Variants in MPP4 observed in about 807,000 individuals in gnomAD.
MPP4 encodes MAGUK p55 subfamily member 4.
MPP4 carries 91 observed loss-of-function variants against 98.3 expected under a neutral mutation model. The observed-to-expected ratio is 0.93, with a 90% CI of 0.78 to 1.10. The LOEUF is 1.10. MPP4 is among the 50% of genes least tolerant of loss of function. The pLI, the probability that MPP4 is intolerant of heterozygous loss-of-function variation, is 0.00. For synonymous variants in MPP4, 261 were observed against 271.8 expected, an observed-to-expected ratio of 0.96 and a Z score of 0.39; for missense variants, 744 against 792.9, an observed-to-expected ratio of 0.94 and a Z score of 0.74.
At chr2:201,684,379 C>T (rs1221498057) in intron 7 of MPP4, among the ~76,000 whole-genome samples, 14 of 152,162 alleles carry the variant, frequency 9.2e-5, no homozygotes, top group Admixed American at 8.5e-4. Context: ...GAATATAGAG[C>T]TAAGCAGCTT....
At chr2:201,673,934 A>C (rs767504763) in intron 11 of MPP4, among the ~76,000 whole-genome samples, 13 of 152,224 alleles carry the variant, frequency 8.5e-5, no homozygotes, top group Non-Finnish European at 1.8e-4. Flanking sequence ...GGCCCACCTG[A>C]GGGCCATTTC....
At chr2:201,668,843 G>A (rs1351271243) in intron 12 of MPP4, among the ~76,000 whole-genome samples, 1 of 152,062 alleles carries the variant, frequency 6.6e-6, no homozygotes, top group Non-Finnish European at 1.5e-5. Flanking sequence ...ACCCTGAGTA[G>A]ACAAACCAGA....
intron 14 of MPP4, chr2:201,662,195 G>A: frequency 1.1e-5 from 2 of 181,908 alleles, no homozygotes; most frequent in Non-Finnish European, 2.3e-5. Context: ...TGCTCCAGCT[G>A]TAACATTAAA....
intron 18 of MPP4, chr2:201,651,111 C>T (rs966316580): frequency 8.5e-5 from 84 of 985,174 alleles, no homozygotes; most frequent in Non-Finnish European, 9.8e-5. Context: ...CATTAGTTCC[C>T]CTTATTCATA....
At chr2:201,653,881 C>G (rs1265196697) in intron 18 of MPP4, among the ~76,000 whole-genome samples, 2 of 151,910 alleles carry the variant, frequency 1.3e-5, no homozygotes, top group African/African-American at 4.8e-5. Flanking sequence ...AGAGAAAAGT[C>G]TGGAAGATTA....
At chr2:201,683,199 A>C (rs1688712795) in intron 7 of MPP4, among the ~76,000 whole-genome samples, 2 of 152,242 alleles carry the variant, frequency 1.3e-5, no homozygotes, top group Admixed American at 6.5e-5. Flanking sequence ...GAACGCTGGT[A>C]AGAAAATAGC....
rs371720645 is a variant in MPP4, at chr2:201,656,291, C to T, written c.1207G>A (p.Gly403Ser). 89 of 1,581,448 alleles carry T rather than the reference C, an allele frequency of 5.6e-5. No homozygotes were observed. The highest frequency in any genetic ancestry group is 9.2e-5 in the East Asian group (4 of 43,330). The change falls in exon 17 of 22, where the codon GGC becomes AGC. Residue 403 changes from glycine to serine, a missense_variant. Coordinates refer to ENST00000409474, the MANE Select transcript of MPP4 (RefSeq NM_033066.3). ...GCACCCACTGCACTGTAGCAGCTGC[C>T]GGTGCAGCACACACTGGCATGCAGC... ...SPLHASVCCT[G>S]SCYSAVGAPY...
intron 14 of MPP4, among the ~76,000 whole-genome samples, chr2:201,660,725 G>A (rs954790768): frequency 1.3e-5 from 2 of 152,126 alleles, no homozygotes; most frequent in Non-Finnish European, 2.9e-5. Flanking sequence ...CAGCAGCTCT[G>A]TGAAGGGGAG....
chr2:201,657,784 C>T (rs1687898961), intron 16 of MPP4, among the ~76,000 whole-genome samples: 1 of 151,758 alleles, frequency 6.6e-6, no homozygotes, highest in Admixed American at 6.6e-5. Context: ...TGATTTTACT[C>T]TGCCTCTGAC....
At chr2:201,695,507 G>T (rs956299219) in intron 1 of MPP4, among the ~76,000 whole-genome samples, 2 of 152,168 alleles carry the variant, frequency 1.3e-5, no homozygotes, top group African/African-American at 4.8e-5. Flanking sequence ...ATACAATGGG[G>T]AGTAGGGTAT....
chr2:201,673,880 T>C lies in MPP4; in HGVS notation c.994+1327A>G, dbSNP rs1914262. Among the ~76,000 whole-genome samples, 475 of 152,326 alleles carry C rather than the reference T, an allele frequency of 3.1e-3. 2 individuals carry two copies. Among genetic ancestry groups the C allele is most frequent in the African/African-American group, 0.011 (448 of 41,558 alleles). On this transcript the variant is annotated intron_variant, in intron 11 of 21. Transcript: ENST00000409474. ...TCCAGTCTCCTCTCTTTGCCTCCCC[T>C]CCGTCCTTCTGGTGCCCAGTTCCCT...
intron 6 of MPP4, 98 bp downstream of exon 6, chr2:201,685,821 G>A (rs994241612): frequency 1.7e-5 from 24 of 1,430,450 alleles, no homozygotes; most frequent in East Asian, 7.4e-5. Context: ...ATATGTGATC[G>A]CAGGCAAGGC....
chr2:201,689,150 A>T (rs895030413), intron 4 of MPP4, among the ~76,000 whole-genome samples: 1 of 152,048 alleles, frequency 6.6e-6, no homozygotes, highest in African/African-American at 2.4e-5. Context: ...CAAAATGGTG[A>T]AACCCCGTCT....
intron 14 of MPP4, among the ~76,000 whole-genome samples, chr2:201,663,384 T>A (rs1297533651): frequency 6.6e-6 from 1 of 152,200 alleles, no homozygotes; most frequent in Non-Finnish European, 1.5e-5. Context: ...TGAGAAGTAC[T>A]GGCTAAGGTA....
intron 10 of MPP4, among the ~76,000 whole-genome samples, chr2:201,679,066 T>G (rs1688598060): frequency 6.6e-6 from 1 of 152,052 alleles, no homozygotes; most frequent in Admixed American, 6.6e-5. Flanking sequence ...CCAGCATCCC[T>G]TTCTCCTACT....
Position 201,655,054 on chromosome 2 carries a change from C to T in MPP4, c.1301-137G>A, listed in dbSNP as rs1687815118. On this transcript the variant is annotated intron_variant, in intron 17 of 21. Coordinates refer to ENST00000409474, the MANE Select transcript of MPP4 (RefSeq NM_033066.3). ...AGGGAAATTATGTAACTTCCTTTCT[C>T]ATAAATTGGAAGAACCCCAGAAAAC... 3 of 591,798 alleles carry T rather than the reference C, an allele frequency of 5.1e-6. No individual in the cohort carries two copies. The South Asian group carries it at 8.1e-5, about 16-fold the overall frequency. 36.7% of individuals were successfully genotyped at this position (591,798 alleles called of 1,614,324 possible).
intron 18 of MPP4, chr2:201,651,897 G>A (rs1458978250): frequency 8.0e-6 from 4 of 499,036 alleles, no homozygotes; most frequent in African/African-American, 2.1e-5. Flanking sequence ...AGGTTGTAGT[G>A]AGCCGAGATA....
intron 5 of MPP4, among the ~76,000 whole-genome samples, chr2:201,686,471 T>C (rs1688838326): frequency 6.6e-6 from 1 of 152,208 alleles, no homozygotes; most frequent in South Asian, 2.1e-4. Context: ...TGGTTTAATT[T>C]GTTAGTAACA....
Position 201,692,892 on chromosome 2 carries a change from G to A in MPP4, c.201+16C>T, listed in dbSNP as rs1311869601. 1 of 1,603,100 alleles carries A rather than the reference G, an allele frequency of 6.2e-7. No homozygotes were observed. The highest frequency in any genetic ancestry group is 1.7e-5 in the Admixed American group (1 of 58,776). On this transcript the variant is annotated intron_variant, in intron 3 of 21. Transcript: ENST00000409474. ...CCCTTCAGCAAGCAAAGGCTTCCGA[G>A]CAAAGAAGCACTCACCTTTAGCAGA...
Sources: allele counts gnomAD v4.1 joint callset (sites outside exome capture counted in the v4.1 genomes callset), GRCh38; gene constraint gnomAD v4.1.1; transcripts MANE v1.5; gene names NCBI Gene and HGNC (gene_info 2026-07-23, HGNC 2026-07-21).